The following PACS1 variants were observed in gnomAD, a reference collection of about 807,000 sequenced individuals.
The protein encoded by PACS1 is phosphofurin acidic cluster sorting protein 1, also known as PACS-1.
In PACS1, 24 loss-of-function variants were observed where a neutral mutation model predicts 115.0. The ratio of observed to expected loss-of-function variants is 0.21; its 90% CI spans 0.15 to 0.29. PACS1 has a LOEUF of 0.29. PACS1 is among the 10% of genes least tolerant of loss of function. The probability of loss-of-function intolerance (pLI) is 1.00; values close to 1 mark genes in which losing one functional copy is unlikely to be tolerated. For missense variants in PACS1, 838 were observed against 1,251.2 expected (o/e 0.67, Z 4.98); for synonymous variants, 453 against 504.5 (o/e 0.90, Z 1.37).
intron 11 of PACS1, among the ~76,000 whole-genome samples, chr11:66,228,485 C>T (rs1426365786): frequency 6.6e-6 from 1 of 152,192 alleles, no homozygotes; most frequent in African/African-American, 2.4e-5. Context: ...TCTGAATAAT[C>T]CTACTTCCAC....
chr11:66,095,962 T>G (rs778067984), intron 1 of PACS1, among the ~76,000 whole-genome samples: 2 of 151,054 alleles, frequency 1.3e-5, no homozygotes, highest in Non-Finnish European at 2.9e-5. Context: ...TGAGATAGAG[T>G]CTCACTCTGT....
intron 2 of PACS1, among the ~76,000 whole-genome samples, chr11:66,202,266 C>T (rs1854818422): frequency 6.6e-6 from 1 of 152,078 alleles, no homozygotes; most frequent in African/African-American, 2.4e-5. Flanking sequence ...AAGAAAAGCC[C>T]AGGCCTTGAT....
chr11:66,106,044 G>A (rs1858031249), intron 1 of PACS1, among the ~76,000 whole-genome samples: 1 of 152,158 alleles, frequency 6.6e-6, no homozygotes, highest in Non-Finnish European at 1.5e-5. Flanking sequence ...TTTCCACAGT[G>A]TCATGTAAAG....
chr11:66,184,952 G>A (rs1860089907), intron 1 of PACS1, among the ~76,000 whole-genome samples: 1 of 152,180 alleles, frequency 6.6e-6, no homozygotes, highest in Non-Finnish European at 1.5e-5. Context: ...AAGGGCTCAC[G>A]AGGGCTTGCA....
At chr11:66,099,213 G>A (rs188304028) in intron 1 of PACS1, among the ~76,000 whole-genome samples, 32 of 151,532 alleles carry the variant, frequency 2.1e-4, no homozygotes, top group African/African-American at 7.3e-4. Flanking sequence ...CGGGCTAATA[G>A]TTATTGATTT....
chr11:66,172,912 G>A (rs921547555), intron 1 of PACS1, among the ~76,000 whole-genome samples: 1 of 148,904 alleles, frequency 6.7e-6, no homozygotes, highest in Admixed American at 6.8e-5. Flanking sequence ...GGAGGCGGAG[G>A]TTGTAGTGAG....
Position 66,172,079 on chromosome 11 carries a change from G to A in PACS1, c.357-21407G>A, listed in dbSNP as rs377507638. Among the ~76,000 whole-genome samples, 3 of 152,264 alleles carry A rather than the reference G, an allele frequency of 2.0e-5. No homozygotes were observed. The South Asian group carries it at 6.2e-4, about 32-fold the overall frequency. On this transcript the variant is annotated intron_variant, in intron 1 of 23. Coordinates refer to ENST00000320580, the MANE Select transcript of PACS1 (RefSeq NM_018026.4). ...CCACGCTTGCCGTACCGTTTACTGT[G>A]CGTAAATCAGACATTGCCATTCTTG... is the stretch of plus-strand genomic sequence containing the variant.
intron 4 of PACS1, among the ~76,000 whole-genome samples, chr11:66,214,869 G>A (rs1401712825): frequency 2.6e-5 from 4 of 151,660 alleles, no homozygotes; most frequent in Admixed American, 1.3e-4. Context: ...CAATCTGCCC[G>A]CCTCAGCCTC....
chr11:66,093,124 G>A (rs1260828374), intron 1 of PACS1, among the ~76,000 whole-genome samples: 6 of 152,030 alleles, frequency 3.9e-5, no homozygotes, highest in Non-Finnish European at 5.9e-5. Context: ...CCATTTTCAC[G>A]ATATTGATTC....
intron 10 of PACS1, among the ~76,000 whole-genome samples, chr11:66,226,749 G>T (rs1855476547): frequency 6.6e-6 from 1 of 152,090 alleles, no homozygotes; most frequent in Non-Finnish European, 1.5e-5. Flanking sequence ...GCCTCCTATG[G>T]TTCCCTACAA....
intron 2 of PACS1, among the ~76,000 whole-genome samples, chr11:66,203,735 C>G (rs1189082466): frequency 1.3e-5 from 2 of 152,036 alleles, no homozygotes; most frequent in Admixed American, 1.3e-4. Flanking sequence ...ACAAAGGTGC[C>G]AAGAACATAC....
intron 22 of PACS1, 55 bp downstream of exon 22, chr11:66,241,708 C>A: frequency 7.3e-7 from 1 of 1,371,852 alleles, no homozygotes; most frequent in South Asian, 1.2e-5. Flanking sequence ...CCCGTCTCGT[C>A]TCTCAGGGCC....
chr11:66,136,393 A>T (rs1858848246), intron 1 of PACS1, among the ~76,000 whole-genome samples: 1 of 151,946 alleles, frequency 6.6e-6, no homozygotes, highest in African/African-American at 2.4e-5. Context: ...TGAGTGCAGG[A>T]GTTATGATTT....
At chr11:66,086,429 C>T (rs1463929104) in intron 1 of PACS1, among the ~76,000 whole-genome samples, 5 of 152,016 alleles carry the variant, frequency 3.3e-5, no homozygotes, top group Non-Finnish European at 4.4e-5. Flanking sequence ...TGAGCCACCG[C>T]GCCCGGCCTG....
At position 66,238,185 on chromosome 11, in the gene PACS1, A is replaced by T. The variant is rs575789846; in HGVS notation, c.2251-619A>T. 3.6e-5 allele frequency: 35 copies of T among 985,042 alleles called. No individual in the cohort carries two copies. In the African/African-American group the frequency reaches 5.9e-4, roughly 17 times the overall value. 61.0% of individuals were successfully genotyped at this position (985,042 alleles called of 1,614,324 possible). ...AAGAACCCCCCCACCCCCATTCAGT[A>T]CACTTCCAGATTCCAGGAAGACCAG... On this transcript the variant is annotated intron_variant, in intron 19 of 23. Coordinates refer to ENST00000320580, the MANE Select transcript of PACS1 (RefSeq NM_018026.4).
At chr11:66,210,618 A>C (rs1025346655) in intron 3 of PACS1, among the ~76,000 whole-genome samples, 167 bp downstream of exon 3, 2 of 152,210 alleles carry the variant, frequency 1.3e-5, no homozygotes, top group Admixed American at 1.3e-4. Context: ...GGCCAAAGCA[A>C]CCCTTTAGCC....
At chr11:66,110,713 G>T in intron 1 of PACS1, among the ~76,000 whole-genome samples, 1 of 152,098 alleles carries the variant, frequency 6.6e-6, no homozygotes, top group South Asian at 2.1e-4. Flanking sequence ...GAGACTCCAG[G>T]TGTGCACCAC....
At chr11:66,202,833 C>CA (rs1854847345) in intron 2 of PACS1, among the ~76,000 whole-genome samples, 1 of 139,240 alleles carries the variant, frequency 7.2e-6, no homozygotes, top group African/African-American at 2.7e-5. Flanking sequence ...TAAAAATCCT[C>CA]AAAAAATGGG....
chr11:66,210,223 A>G, intron 2 of PACS1, 139 bp from the exon 3 acceptor site: 1 of 629,404 alleles, frequency 1.6e-6, no homozygotes, highest in East Asian at 2.8e-5. Flanking sequence ...TTGTAGAAAC[A>G]GGAGTCTCAC....
Sources: allele counts gnomAD v4.1 joint callset (sites outside exome capture counted in the v4.1 genomes callset), GRCh38; gene constraint gnomAD v4.1.1; transcripts MANE v1.5; gene names NCBI Gene and HGNC (gene_info 2026-07-23, HGNC 2026-07-21).